EPB41L3: variants seen among roughly 807,000 people sequenced by gnomAD.
EPB41L3 encodes the protein erythrocyte membrane protein band 4.1 like 3, also known as band 4.1-like protein 3.
Under a neutral mutation model 127.1 loss-of-function variants are expected in EPB41L3, and 57 were observed. The ratio of observed to expected loss-of-function variants is 0.45; its 90% CI spans 0.36 to 0.56. The LOEUF (loss-of-function observed/expected upper bound fraction) is 0.56, where lower values mean the gene tolerates loss of function less well. Ranked by LOEUF, EPB41L3 falls within the 20% of genes least tolerant of loss-of-function variation. The pLI, the probability that EPB41L3 is intolerant of heterozygous loss-of-function variation, is 0.00. For missense variants in EPB41L3, 1,273 were observed against 1,372.2 expected (o/e 0.93, Z 1.14); for synonymous variants, 572 against 549.5 (o/e 1.04, Z -0.57).
At chr18:5,436,190 A>AG (rs1196561852) in intron 6 of EPB41L3, among the ~76,000 whole-genome samples, 1 of 152,192 alleles carries the variant, frequency 6.6e-6, no homozygotes, top group Non-Finnish European at 1.5e-5. Context: ...GATAGAACAA[A>AG]GCACACCTGG....
At chr18:5,501,133 T>C (rs1221480887) in intron 1 of EPB41L3, among the ~76,000 whole-genome samples, 3 of 152,042 alleles carry the variant, frequency 2.0e-5, no homozygotes, top group African/African-American at 7.2e-5. Context: ...AATAAAGAAA[T>C]ATGATAAAAA....
chr18:5,423,589 T>G, intron 10 of EPB41L3, 36 bp from the exon 11 acceptor site: 1 of 1,562,784 alleles, frequency 6.4e-7, no homozygotes. Flanking sequence ...GAAAGACTAT[T>G]AAGTCCAATA....
At chr18:5,423,256 GCAA>G in intron 11 of EPB41L3, 119 bp downstream of exon 11, 1 of 1,048,578 alleles carries the variant, frequency 9.5e-7, no homozygotes, top group Non-Finnish European at 1.3e-6. Context: ...CAGTCAATAA[GCAA>G]CAACTGCTTT....
chr18:5,501,846 C>T (rs575240338), intron 1 of EPB41L3, among the ~76,000 whole-genome samples: 3 of 152,304 alleles, frequency 2.0e-5, no homozygotes, highest in African/African-American at 7.2e-5. Context: ...TCAAAGGTCT[C>T]CCTGGCACAC....
At chr18:5,590,853 G>A (rs2094479091) in intron 3 of EPB41L3, among the ~76,000 whole-genome samples, 1 of 152,114 alleles carries the variant, frequency 6.6e-6, no homozygotes, top group African/African-American at 2.4e-5. Flanking sequence ...TGACACCCTA[G>A]AAAACATAAA....
At chr18:5,524,204 G>A (rs1276892249) in intron 1 of EPB41L3, among the ~76,000 whole-genome samples, 1 of 148,836 alleles carries the variant, frequency 6.7e-6, no homozygotes, top group East Asian at 2.0e-4. Flanking sequence ...TTTGTTTTTT[G>A]TTTTCCTGAG....
intron 1 of EPB41L3, among the ~76,000 whole-genome samples, chr18:5,497,018 G>A (rs938662103): frequency 5.9e-5 from 9 of 152,156 alleles, no homozygotes; most frequent in African/African-American, 2.2e-4. Flanking sequence ...TCTCCAAGAA[G>A]GAAAAATTTA....
At chr18:5,630,320 G>C (rs374562983), upstream of EPB41L3, 42 of 512,404 alleles carry the variant, frequency 8.2e-5, no homozygotes, top group East Asian at 2.2e-3. Flanking sequence ...CCCTGCCCAC[G>C]GGGCTAGGCG....
chr18:5,445,769 C>G (rs1432741460), intron 3 of EPB41L3, among the ~76,000 whole-genome samples: 1 of 152,216 alleles, frequency 6.6e-6, no homozygotes, highest in South Asian at 2.1e-4. Context: ...CATTGCCAAC[C>G]TGAGCTCCGC....
chr18:5,608,353 A>C (rs182555438), intron 3 of EPB41L3, among the ~76,000 whole-genome samples: 9 of 152,190 alleles, frequency 5.9e-5, no homozygotes, highest in African/African-American at 2.2e-4. Flanking sequence ...CATGCAAAAA[A>C]ACAAATAAGA....
intron 3 of EPB41L3, among the ~76,000 whole-genome samples, chr18:5,460,372 T>C (rs2083783278): frequency 6.6e-6 from 1 of 152,156 alleles, no homozygotes; most frequent in South Asian, 2.1e-4. Flanking sequence ...GGGAAGGAAC[T>C]AGGAAGTCCA....
intron 1 of EPB41L3, among the ~76,000 whole-genome samples, chr18:5,622,951 A>ATTT (rs10622515): frequency 0.17 from 12,742 of 76,022 alleles, 3,237 homozygotes; most frequent in Non-Finnish European, 0.19. Context: ...CATAATGCTG[A>ATTT]TTTTTTTTTT....
chr18:5,415,271 CTG>C (rs995311442), intron 13 of EPB41L3, among the ~76,000 whole-genome samples: 1 of 152,194 alleles, frequency 6.6e-6, no homozygotes, highest in African/African-American at 2.4e-5. Flanking sequence ...ACTGACCTCT[CTG>C]TGAGTAACAA....
chr18:5,475,863 G>A (rs982318286), intron 3 of EPB41L3, among the ~76,000 whole-genome samples: 6 of 152,072 alleles, frequency 3.9e-5, no homozygotes, highest in Admixed American at 3.9e-4. Flanking sequence ...TAATTGTTCA[G>A]CTGTGTTTCT....
chr18:5,419,986 A>C, intron 11 of EPB41L3, 109 bp from the exon 12 acceptor site: 3 of 1,582,518 alleles, frequency 1.9e-6, no homozygotes, highest in South Asian at 1.2e-5. Flanking sequence ...GTCAGAAGAC[A>C]CATGAACAAT....
chr18:5,541,252 CAA>C lies in EPB41L3; in HGVS notation c.-12+2659_-12+2660del, dbSNP rs370717420. Reference sequence around the variant, plus strand: ...TGGGTGACACAGAAGGACTCCATCTCAAAAAAAAAAAAAAAAAAAAAAAAAGT... The same window carrying C: ...TGGGTGACACAGAAGGACTCCATCTCAAAAAAAAAAAAAAAAAAAAAAAGT... On this transcript the variant is annotated intron_variant, in intron 1 of 22. Coordinates refer to ENST00000341928, the MANE Select transcript of EPB41L3 (RefSeq NM_012307.5). Among the ~76,000 whole-genome samples the C allele has an allele frequency of 8.4e-3, 394 of 46,670 alleles. 1 individual carries two copies. Among genetic ancestry groups the C allele is most frequent in the African/African-American group, 0.042 (379 of 8,998 alleles). The allele number at this position is 46,670 out of a possible 152,430, so 30.6% of individuals were successfully genotyped here.
chr18:5,570,556 G>A (rs140545369), intron 3 of EPB41L3, among the ~76,000 whole-genome samples: 143 of 152,098 alleles, frequency 9.4e-4, no homozygotes, highest in African/African-American at 3.2e-3. Context: ...CTAGAATACA[G>A]CCCATTCTTT....
At chr18:5,458,166 C>T (rs2083408036) in intron 3 of EPB41L3, among the ~76,000 whole-genome samples, 1 of 152,178 alleles carries the variant, frequency 6.6e-6, no homozygotes, top group Non-Finnish European at 1.5e-5. Flanking sequence ...CTCTACCATG[C>T]AGGTATAATC....
At chr18:5,609,978 C>A (rs1157058532) in intron 3 of EPB41L3, among the ~76,000 whole-genome samples, 1 of 152,160 alleles carries the variant, frequency 6.6e-6, no homozygotes, top group Non-Finnish European at 1.5e-5. Flanking sequence ...CAGGAGCTTT[C>A]CCTCTCTGAT....
Sources: gnomAD v4.1 joint callset for allele counts (sites outside exome capture counted in the v4.1 genomes callset) on GRCh38, gnomAD v4.1.1 for gene constraint, MANE v1.5 for transcripts, NCBI Gene and HGNC (gene_info 2026-07-23, HGNC 2026-07-21) for gene names.